Variants in XKR6 observed in about 807,000 individuals in gnomAD.
XKR6 encodes XK-related protein 6.
XKR6 carries 22 observed loss-of-function variants against 56.7 expected under a neutral mutation model. That is an observed-to-expected ratio of 0.39 (90% CI 0.28 to 0.55). The LOEUF (loss-of-function observed/expected upper bound fraction) is 0.55. Among genes scored for constraint, XKR6 ranks in the 20% least tolerant of loss-of-function variants. The pLI is 0.66. For synonymous variants in XKR6, 524 were observed against 387.8 expected (o/e 1.35, Z -4.13); for missense variants, 852 against 889.0 (o/e 0.96, Z 0.53).
chr8:11,035,756 T>G (rs1251924877), intron 1 of XKR6, among the ~76,000 whole-genome samples: 1 of 152,028 alleles, frequency 6.6e-6, no homozygotes, highest in Non-Finnish European at 1.5e-5. Context: ...GGAAGGAGAT[T>G]AGTGAGTTGA....
At chr8:10,912,119 G>T (rs1800396672) in intron 2 of XKR6, among the ~76,000 whole-genome samples, 1 of 149,606 alleles carries the variant, frequency 6.7e-6, no homozygotes, top group Non-Finnish European at 1.5e-5. Flanking sequence ...TATATATAGA[G>T]AGAGAGCGCT....
At chr8:11,076,608 C>A (rs946877782) in intron 1 of XKR6, among the ~76,000 whole-genome samples, 33 of 152,134 alleles carry the variant, frequency 2.2e-4, no homozygotes, top group African/African-American at 8.0e-4. Flanking sequence ...TAAATTGATG[C>A]CAATACCTAA....
chr8:11,067,119 G>C (rs774963296), intron 1 of XKR6: 4 of 152,346 alleles, frequency 2.6e-5, no homozygotes, highest in Admixed American at 1.3e-4. Context: ...GGAGCAGACA[G>C]TTTCGGAGAG....
In XKR6 at chr8:10,898,888, G is replaced by A. The variant is rs748570952; in HGVS notation, c.990C>T (p.Ser330=). The change falls in exon 3 of 3, where the codon TCC becomes TCT. Residue 330 remains serine, a synonymous_variant. Coordinates refer to ENST00000416569, the MANE Select transcript of XKR6 (RefSeq NM_173683.4). This position sits in a 1 kb window ranked among gnomAD's most constrained non-coding sequence, Gnocchi z 6.6. ...GATAGGAGGCTAGCACCCAAGCCAG[G>A]GACATCAGGGAAGTCACAGAGGAGA... ...PCVSSVTSLM[S]LAWVLASYHK... is the part of the protein sequence containing the mutation. 13 of 1,610,490 alleles carry A rather than the reference G, an allele frequency of 8.1e-6. No homozygotes were observed. The highest frequency in any genetic ancestry group is 5.1e-6 in the Non-Finnish European group (6 of 1,178,060).
At chr8:10,987,536 C>T (rs1294079207) in intron 1 of XKR6, among the ~76,000 whole-genome samples, 2 of 152,172 alleles carry the variant, frequency 1.3e-5, no homozygotes, top group African/African-American at 4.8e-5. Context: ...ACAAACCAAC[C>T]CCTATCTCTC....
chr8:11,127,207 C>A (rs1484827156), intron 1 of XKR6, among the ~76,000 whole-genome samples: 1 of 152,198 alleles, frequency 6.6e-6, no homozygotes, highest in African/African-American at 2.4e-5. Context: ...TCAGATTCAG[C>A]TGGCCTTGGA....
At chr8:11,126,190 T>C (rs1327172998) in intron 1 of XKR6, 1 of 152,222 alleles carries the variant, frequency 6.6e-6, no homozygotes, top group Non-Finnish European at 1.5e-5. Flanking sequence ...TGCCTCAGCC[T>C]CCTGAGTAGC....
intron 1 of XKR6, among the ~76,000 whole-genome samples, chr8:11,194,022 G>A (rs764775163): frequency 6.6e-6 from 1 of 152,116 alleles, no homozygotes; most frequent in Non-Finnish European, 1.5e-5. Flanking sequence ...CCTATACATA[G>A]GTGACACAAA....
At chr8:11,162,806 G>T (rs1237308552) in intron 1 of XKR6, among the ~76,000 whole-genome samples, 1 of 152,188 alleles carries the variant, frequency 6.6e-6, no homozygotes, top group African/African-American at 2.4e-5. Flanking sequence ...GTAAGAAGCC[G>T]AAGTGTTTCA....
intron 1 of XKR6, among the ~76,000 whole-genome samples, chr8:11,003,324 CCAT>C (rs1458323768): frequency 2.6e-5 from 4 of 152,134 alleles, no homozygotes; most frequent in Non-Finnish European, 5.9e-5. Flanking sequence ...ACCACCACCA[CCAT>C]CATTATCATC....
intron 1 of XKR6, among the ~76,000 whole-genome samples, chr8:10,955,445 T>G (rs1801855628): frequency 6.6e-6 from 1 of 152,164 alleles, no homozygotes; most frequent in Non-Finnish European, 1.5e-5. Flanking sequence ...CCTCCCAAAG[T>G]GCTAGAATTG....
At chr8:10,942,131 TACAC>T (rs1198327037) in intron 1 of XKR6, among the ~76,000 whole-genome samples, 1 of 151,972 alleles carries the variant, frequency 6.6e-6, no homozygotes, top group Non-Finnish European at 1.5e-5. Context: ...ACCGCACCCA[TACAC>T]ACACCTCCCA....
intron 1 of XKR6, among the ~76,000 whole-genome samples, chr8:11,097,983 T>A (rs1308200603): frequency 1.3e-5 from 2 of 151,958 alleles, no homozygotes; most frequent in African/African-American, 4.8e-5. Flanking sequence ...TAATATCAAC[T>A]GGTGAGACTG....
At chr8:11,059,925 G>C (rs1799789023) in intron 1 of XKR6, among the ~76,000 whole-genome samples, 1 of 152,202 alleles carries the variant, frequency 6.6e-6, no homozygotes, top group Non-Finnish European at 1.5e-5. Context: ...ATGGGTGTTA[G>C]GCATTTCACA....
chr8:11,075,130 C>T (rs929068237), intron 1 of XKR6, among the ~76,000 whole-genome samples: 1 of 152,150 alleles, frequency 6.6e-6, no homozygotes, highest in South Asian at 2.1e-4. Context: ...ATAAGGAGCC[C>T]ATCATGTGGG....
At chr8:11,060,697 C>T (rs1277621282) in intron 1 of XKR6, among the ~76,000 whole-genome samples, 1 of 152,240 alleles carries the variant, frequency 6.6e-6, no homozygotes, top group Non-Finnish European at 1.5e-5. Flanking sequence ...CACCGCTATT[C>T]AATGCCTGCC....
chr8:10,984,722 C>CTATATATATATA (rs1353804781), intron 1 of XKR6, among the ~76,000 whole-genome samples: 1 of 79,206 alleles, frequency 1.3e-5, no homozygotes, highest in Non-Finnish European at 2.8e-5. Context: ...CTCTCTCTCT[C>CTATATATATATA]TCTCTCTCTC....
intron 1 of XKR6, among the ~76,000 whole-genome samples, chr8:10,991,426 G>C (rs1347961157): frequency 6.6e-6 from 1 of 152,094 alleles, no homozygotes. Flanking sequence ...TAACTGACTG[G>C]CCTGAGGATA....
intron 1 of XKR6, among the ~76,000 whole-genome samples, chr8:11,156,058 T>G (rs1447458710): frequency 6.6e-6 from 1 of 152,212 alleles, no homozygotes; most frequent in Non-Finnish European, 1.5e-5. Flanking sequence ...CTCTCCTGAC[T>G]TGCAACAAAA....
Sources: gnomAD v4.1 joint callset for allele counts (sites outside exome capture counted in the v4.1 genomes callset) on GRCh38, gnomAD v4.1.1 for gene constraint, Gnocchi (gnomAD v3.1) non-coding constraint, MANE v1.5 for transcripts, NCBI Gene and HGNC (gene_info 2026-07-23, HGNC 2026-07-21) for gene names.